The following ANK1 variants were observed in gnomAD, a reference collection of about 807,000 sequenced individuals.
ANK1 encodes the protein ankyrin-1.
Under a neutral mutation model 210.4 loss-of-function variants are expected in ANK1, and 51 were observed. The ratio of observed to expected loss-of-function variants is 0.24; its 90% CI spans 0.19 to 0.31. The LOEUF (loss-of-function observed/expected upper bound fraction) is 0.31. Ranked by LOEUF, ANK1 falls within the 10% of genes least tolerant of loss-of-function variation. The pLI is 1.00. For missense variants in ANK1, 2,051 were observed against 2,504.4 expected, an observed-to-expected ratio of 0.82 and a Z score of 3.86; for synonymous variants, 967 against 1,025.9, an observed-to-expected ratio of 0.94 and a Z score of 1.10.
chr8:41,692,733 C>T lies in ANK1; in HGVS notation c.3773G>A (p.Cys1258Tyr). 6.2e-7 allele frequency: 1 copy of T among 1,614,030 alleles called. No homozygotes were observed. The highest frequency in any genetic ancestry group is 8.5e-7 in the Non-Finnish European group (1 of 1,180,022). ...MNDPREGRLR[C>Y]YCMTDDKVDK... The stretch of plus-strand genomic sequence containing the variant: ...CACTTTATCATCTGTCATGCAGTAG[C>T]AGCGCAGGCGCCCCTCTCGGGGGTC... The change falls in exon 31 of 43, where the codon TGC becomes TAC. Residue 1258 changes from cysteine to tyrosine, a missense_variant. Physicochemically the swap from Cys to Tyr is radical, Grantham distance 194. Around this residue, in one of 6 missense-constraint regions of ANK1, gnomAD observed 1,413 missense variants for 1,707.4 expected, o/e 0.83. Coordinates refer to ENST00000289734, the MANE Select transcript of ANK1 (RefSeq NM_000037.4).
intron 1 of ANK1, among the ~76,000 whole-genome samples, chr8:41,896,079 G>T (rs930997958): frequency 2.0e-5 from 3 of 152,226 alleles, no homozygotes; most frequent in Non-Finnish European, 4.4e-5. Flanking sequence ...CCAAGGTGCT[G>T]AAAGGTCTCT....
chr8:41,896,543 G>A (rs1563983801), exon 1 of ANK1: 8 of 1,527,904 alleles, frequency 5.2e-6, no homozygotes, highest in South Asian at 3.7e-5. Context: ...TCCCCGAGGC[G>A]ACACCCCCTA....
At position 41,694,643 on chromosome 8, in the gene ANK1, C is replaced by T. The variant is rs190853035; in HGVS notation, c.3276G>A (p.Gln1092=). ...TGACGGCATTCTCCGGGAACGTTGC[C>T]TGTACCAGGGGCACCAGCTTGCTCT... The part of the protein sequence containing the change: ...SLKSKLVPLV[Q]ATFPENAVTK... Residue 1092 remains glutamine (Q), a synonymous_variant, in exon 28 of 43, where the codon CAG becomes CAA. Transcript: ENST00000289734. This position sits in a 1 kb window ranked among gnomAD's most constrained non-coding sequence, Gnocchi z 5.7. 1 of 1,614,100 alleles carries T rather than the reference C, an allele frequency of 6.2e-7. No individual in the cohort carries two copies. The highest frequency in any genetic ancestry group is 2.2e-5 in the East Asian group (1 of 44,884).
intron 1 of ANK1, among the ~76,000 whole-genome samples, chr8:41,833,344 G>T (rs1357389320): frequency 6.6e-6 from 1 of 152,210 alleles, no homozygotes; most frequent in Non-Finnish European, 1.5e-5. Flanking sequence ...CAGGTGTCTG[G>T]GGGTGGTGAA....
At chr8:41,827,763 C>T (rs1805683712) in intron 1 of ANK1, among the ~76,000 whole-genome samples, 1 of 145,110 alleles carries the variant, frequency 6.9e-6, no homozygotes, top group Admixed American at 6.8e-5. Context: ...CCCACTCACA[C>T]ACCCCACACA....
At chr8:41,896,299 C>T in intron 1 of ANK1, 1 of 1,566,506 alleles carries the variant, frequency 6.4e-7, no homozygotes, top group South Asian at 1.2e-5. Context: ...CCCCTGCCCC[C>T]AGCAGCCACT....
chr8:41,861,809 C>T (rs1813317765), intron 1 of ANK1, among the ~76,000 whole-genome samples: 1 of 152,236 alleles, frequency 6.6e-6, no homozygotes, highest in Non-Finnish European at 1.5e-5. Flanking sequence ...TCCCCGCACC[C>T]CTGCGTTCCT....
chr8:41,852,184 G>A (rs942556731), intron 1 of ANK1, among the ~76,000 whole-genome samples: 1 of 152,198 alleles, frequency 6.6e-6, no homozygotes, highest in African/African-American at 2.4e-5. Context: ...GGAGGGAAAG[G>A]AGGAGGTCAC....
At chr8:41,887,293 A>C (rs1238070049) in intron 1 of ANK1, among the ~76,000 whole-genome samples, 1 of 127,488 alleles carries the variant, frequency 7.8e-6, no homozygotes, top group Non-Finnish European at 1.5e-5. Context: ...CTGTCACCCA[A>C]GCTGGAGTGC....
intron 1 of ANK1, among the ~76,000 whole-genome samples, chr8:41,788,663 T>C (rs541689734): frequency 4.6e-5 from 7 of 152,290 alleles, no homozygotes; most frequent in African/African-American, 1.7e-4. Flanking sequence ...TACTCAAGAA[T>C]GTTCATGATC....
chr8:41,723,592 G>T lies in ANK1; in HGVS notation c.753C>A (p.Asn251Lys). The change falls in exon 8 of 43, where the codon AAC (asparagine) becomes AAA (lysine). Residue 251 changes from asparagine to lysine, a missense_variant. Coordinates refer to ENST00000289734, the MANE Select transcript of ANK1 (RefSeq NM_000037.4). Reference protein sequence around the residue: ...TPLHIASRRGNVIMVRLLLDR... With the variant: ...TPLHIASRRGKVIMVRLLLDR... ...CCAGCAGCAGCCGCACCATGATCAC[G>T]TTGCCCCTGCGGGAGGCGATGTGCA... 6.2e-7 allele frequency: 1 copy of T among 1,613,828 alleles called. No individual in the cohort carries two copies. Among genetic ancestry groups the T allele is most frequent in the Non-Finnish European group, 8.5e-7 (1 of 1,179,942 alleles).
At chr8:41,896,235 C>T (rs1468259251) in intron 1 of ANK1, 10 of 1,338,360 alleles carry the variant, frequency 7.5e-6, no homozygotes, top group Non-Finnish European at 5.8e-6. Flanking sequence ...CGCTCGGGTG[C>T]CGCCAACTCC....
chr8:41,701,683 C>G, intron 21 of ANK1, 61 bp from the exon 22 acceptor site: 9 of 1,518,250 alleles, frequency 5.9e-6, no homozygotes, highest in Middle Eastern at 3.4e-4. Context: ...TTTTTACCAG[C>G]CCAGCGGTTC....
chr8:41,702,558 T>C (rs1321845838), intron 20 of ANK1, among the ~76,000 whole-genome samples: 1 of 152,216 alleles, frequency 6.6e-6, no homozygotes, highest in Admixed American at 6.5e-5. Flanking sequence ...TGGGTGTCAG[T>C]GATGGGGTAT....
intron 1 of ANK1, among the ~76,000 whole-genome samples, chr8:41,778,034 G>A (rs1158798627): frequency 6.6e-6 from 1 of 152,194 alleles, no homozygotes; most frequent in Non-Finnish European, 1.5e-5. Flanking sequence ...GGGTCACAGA[G>A]ATAAAGTCTC....
chr8:41,797,702 C>A, upstream of ANK1: 3 of 1,117,122 alleles, frequency 2.7e-6, no homozygotes, highest in Non-Finnish European at 3.6e-6. The surrounding 1 kb of genome is among the most constrained non-coding windows in gnomAD (Gnocchi z 4.0). Context: ...CGGGCGCTCC[C>A]GGCACGGGCG....
rs184859347 is a variant in ANK1, at chr8:41,669,339, C to G, written c.5097-775G>C. On this transcript the variant is annotated intron_variant, in intron 38 of 42. Coordinates refer to ENST00000289734, the MANE Select transcript of ANK1 (RefSeq NM_000037.4). ...TGAGACAGGGCTTCATTCTGTCTCC[C>G]GGGCTGCAGTGCAGTGGTACAATCA... 3.9e-5 allele frequency among the ~76,000 whole-genome samples: 6 copies of G among 152,086 alleles called. No homozygotes were observed. The East Asian group carries it at 1.2e-3, about 30-fold the overall frequency.
rs759504756 is a variant in ANK1 at position 41,708,797 on chromosome 8, T to C, written c.1979A>G (p.Asn660Ser). ...GCCTACCTTGTTCCCCAGGTTGCCA[T>C]TGGCTTGTTTCGAGAGCAGCAGAGC... is the stretch of plus-strand genomic sequence containing the variant. Reference protein sequence around the residue: ...MVALLLSKQANGNLGNKSGLT... With the variant: ...MVALLLSKQASGNLGNKSGLT... The change falls in exon 17 of 43, where the codon AAT becomes AGT. Residue 660 changes from asparagine (N) to serine (S), a missense_variant. Around this residue, in one of 6 missense-constraint regions of ANK1, gnomAD observed 1,413 missense variants for 1,707.4 expected, o/e 0.83. Transcript: ENST00000289734. 15 of 1,614,014 alleles carry C rather than the reference T, an allele frequency of 9.3e-6. No individual in the cohort carries two copies. In the East Asian group the frequency reaches 1.6e-4, roughly 17 times the overall value.
At chr8:41,739,521 C>CTTTTTTTTTTTCTTTCT (rs774043664) in intron 2 of ANK1, among the ~76,000 whole-genome samples, 1 of 116,126 alleles carries the variant, frequency 8.6e-6, no homozygotes, top group Non-Finnish European at 1.8e-5. Context: ...TTTTTTCTTT[C>CTTTTTTTTTTTCTTTCT]TTTTTTTTTT....
Sources: allele counts gnomAD v4.1 joint callset (sites outside exome capture counted in the v4.1 genomes callset), GRCh38; gene constraint gnomAD v4.1.1; regional missense constraint gnomAD v4.1.1; non-coding constraint Gnocchi (gnomAD v3.1); transcripts MANE v1.5; gene names NCBI Gene and HGNC (gene_info 2026-07-23, HGNC 2026-07-21).